C11orf58: variants seen among roughly 807,000 people sequenced by gnomAD.
C11orf58 encodes the protein chromosome 11 open reading frame 58.
A neutral mutation model predicts 22.7 loss-of-function variants in C11orf58; 5 were observed. That is an observed-to-expected ratio of 0.22 (90% CI 0.12 to 0.46). The LOEUF (loss-of-function observed/expected upper bound fraction) is 0.46, where lower values mean the gene tolerates loss of function less well. Ranked by LOEUF, C11orf58 falls within the 20% of genes least tolerant of loss-of-function variation. The pLI is 0.99. For missense variants in C11orf58, 151 were observed against 223.3 expected, an observed-to-expected ratio of 0.68 and a Z score of 2.06; for synonymous variants, 71 against 70.7, an observed-to-expected ratio of 1.00 and a Z score of -0.02.
intron 4 of C11orf58, among the ~76,000 whole-genome samples, chr11:16,754,546 CCTTTTTTTTTTTTTTTTTTT>C (rs1848559305): frequency 1.1e-5 from 1 of 89,380 alleles, no homozygotes; most frequent in Non-Finnish European, 2.5e-5. Context: ...TCTCTCTCTC[CCTTTTTTTTTTTTTTTTTTT>C]TTTTTTTTTT....
In C11orf58 at chr11:16,755,440, CTT is replaced by C. The variant is rs1848569401; in HGVS notation, c.*337_*338del. On this transcript the variant is annotated 3_prime_UTR_variant, in exon 5 of 5. Coordinates refer to ENST00000228136, the MANE Select transcript of C11orf58 (RefSeq NM_014267.6). ...TTTATCATTTCCTTCATATTTTTCT[CTT>C]ATAAAAATGTATTTGATACTGTGAT... 1.1e-5 allele frequency: 2 copies of C among 175,296 alleles called. No individual in the cohort carries two copies. Among genetic ancestry groups the C allele is most frequent in the Non-Finnish European group, 2.4e-5 (2 of 82,378 alleles). 10.9% of individuals were successfully genotyped at this position (175,296 alleles called of 1,614,324 possible). A position where few individuals can be genotyped will look rare whatever the true frequency, so the allele number is the denominator to read the frequency against.
chr11:16,750,729 G>C (rs1292863666), intron 3 of C11orf58: 2 of 154,140 alleles, frequency 1.3e-5, no homozygotes, highest in African/African-American at 4.8e-5. Context: ...GTGCACTTTT[G>C]CTTTCAACCA....
intron 1 of C11orf58, chr11:16,744,173 C>T (rs767281569): frequency 6.5e-6 from 1 of 153,946 alleles, no homozygotes; most frequent in Admixed American, 6.5e-5. Flanking sequence ...GTTCAGAGTA[C>T]TAGGTGCTCT....
At chr11:16,746,185 G>T (rs892325854) in intron 2 of C11orf58, among the ~76,000 whole-genome samples, 2 of 152,244 alleles carry the variant, frequency 1.3e-5, no homozygotes, top group Admixed American at 1.3e-4. Context: ...GGATGAGAAG[G>T]AGTTAGCCAG....
intron 1 of C11orf58, chr11:16,744,384 C>G: frequency 2.0e-6 from 1 of 494,364 alleles, no homozygotes; most frequent in South Asian, 2.5e-5. Flanking sequence ...AGACTCAGCT[C>G]TGGCTGTAGG....
chr11:16,749,256 T>A (rs1305573406), intron 3 of C11orf58: 1 of 152,216 alleles, frequency 6.6e-6, no homozygotes, highest in Non-Finnish European at 1.5e-5. Context: ...CTAGATTATG[T>A]TTAACAAAAC....
At chr11:16,742,587 C>A (rs1011037706) in intron 1 of C11orf58, among the ~76,000 whole-genome samples, 1 of 151,976 alleles carries the variant, frequency 6.6e-6, no homozygotes, top group Admixed American at 6.6e-5. Context: ...GCATATAAGC[C>A]CTTCCACTAA....
Position 16,752,758 on chromosome 11 carries a change from CAT to C in C11orf58, c.209-25_209-24del, listed in dbSNP as rs757355781. Reference sequence around the variant, plus strand: ...GTGTAAATTATTAATTTGACTGAAACATAACTAAAGTATCCTGGACATGCAGG... The same window carrying C: ...GTGTAAATTATTAATTTGACTGAAACAACTAAAGTATCCTGGACATGCAGG... On this transcript the variant is annotated intron_variant, in intron 3 of 4. Coordinates refer to ENST00000228136, the MANE Select transcript of C11orf58 (RefSeq NM_014267.6). The C allele has an allele frequency of 1.1e-5, 16 of 1,491,322 alleles. No homozygotes were observed. The African/African-American group carries it at 2.0e-4, about 18-fold the overall frequency. 92.4% of individuals were successfully genotyped at this position (1,491,322 alleles called of 1,614,324 possible). A position where few individuals can be genotyped will look rare whatever the true frequency, so the allele number is the denominator to read the frequency against.
chr11:16,752,071 C>T (rs571378213), intron 3 of C11orf58: 2 of 152,904 alleles, frequency 1.3e-5, no homozygotes, highest in Non-Finnish European at 2.9e-5. Flanking sequence ...GTAGACTGGA[C>T]ATAAGCAACA....
chr11:16,752,988 T>C (rs1848545733), intron 4 of C11orf58, 94 bp downstream of exon 4: 3 of 895,658 alleles, frequency 3.3e-6, no homozygotes, highest in African/African-American at 1.7e-5. Flanking sequence ...AAGAATCCCA[T>C]GTAGAAAGCT....
At position 16,744,484 on chromosome 11, in the gene C11orf58, C is replaced by T. The variant is rs562527618; in HGVS notation, c.64-117C>T. ...TAACTTCCTAAGCAAGAAAAATGAACGCTGTTTATAGTTACAACTGACAGG... is the reference window on the plus strand; with the variant it reads ...TAACTTCCTAAGCAAGAAAAATGAATGCTGTTTATAGTTACAACTGACAGG... On this transcript the variant is annotated intron_variant, in intron 1 of 4. Transcript: ENST00000228136. 22 of 716,638 alleles carry T rather than the reference C, an allele frequency of 3.1e-5. No homozygotes were observed. In the South Asian group the frequency reaches 3.8e-4, roughly 13 times the overall value. The allele number at this position is 716,638 out of a possible 1,614,324, so 44.4% of individuals were successfully genotyped here.
In C11orf58 at chr11:16,756,264, T is replaced by A. The variant is rs1017890997; in HGVS notation, c.*1160T>A. On this transcript the variant is annotated 3_prime_UTR_variant, in exon 5 of 5. Transcript: ENST00000228136. ...TAAAGGATGTATTTGGAGTGTTGGA[T>A]TTTTTTTTTTTTTTTTTTTTTTTGA... 1.8e-5 allele frequency: 1 copy of A among 56,026 alleles called. No homozygotes were observed. Among genetic ancestry groups the A allele is most frequent in the South Asian group, 4.1e-4 (1 of 2,448 alleles). 3.5% of individuals were successfully genotyped at this position (56,026 alleles called of 1,614,324 possible). A position where few individuals can be genotyped will look rare whatever the true frequency, so the allele number is the denominator to read the frequency against.
chr11:16,757,118 A>G lies in C11orf58; in HGVS notation c.*2014A>G, dbSNP rs1848585947. ...AATATTGAATCACTTTATAGTAGACAATACATATGACATTTAACAAATACT... is the reference window on the plus strand; with the variant it reads ...AATATTGAATCACTTTATAGTAGACGATACATATGACATTTAACAAATACT... On this transcript the variant is annotated 3_prime_UTR_variant, in exon 5 of 5. Transcript: ENST00000228136. Among the ~76,000 whole-genome samples, 2 of 144,730 alleles carry G rather than the reference A, an allele frequency of 1.4e-5. No homozygotes were observed. Among genetic ancestry groups the G allele is most frequent in the South Asian group, 4.4e-4 (2 of 4,516 alleles). The allele number at this position is 144,730 out of a possible 152,430, so 94.9% of individuals were successfully genotyped here. A position where few individuals can be genotyped will look rare whatever the true frequency, so the allele number is the denominator to read the frequency against.
chr11:16,748,201 A>G, intron 3 of C11orf58, 44 bp downstream of exon 3: 1 of 1,444,330 alleles, frequency 6.9e-7, no homozygotes, highest in Non-Finnish European at 9.7e-7. Context: ...CTAAATTCAG[A>G]ATATGAAGTA....
At chr11:16,744,364 C>T (rs1848472636) in intron 1 of C11orf58, 1 of 455,878 alleles carries the variant, frequency 2.2e-6, no homozygotes, top group Non-Finnish European at 3.9e-6. Flanking sequence ...CTGATAGAGG[C>T]AAACTTTTGA....
At chr11:16,743,263 C>G (rs910912835) in intron 1 of C11orf58, among the ~76,000 whole-genome samples, 2 of 152,174 alleles carry the variant, frequency 1.3e-5, no homozygotes, top group Non-Finnish European at 2.9e-5. Flanking sequence ...AATTTTGATG[C>G]ATAAACATTG....
chr11:16,740,667 C>G (rs894913216), intron 1 of C11orf58, among the ~76,000 whole-genome samples: 2 of 151,990 alleles, frequency 1.3e-5, no homozygotes, highest in Non-Finnish European at 2.9e-5. Context: ...AGCGATCTGC[C>G]CACCTCGGCC....
intron 4 of C11orf58, among the ~76,000 whole-genome samples, chr11:16,754,483 A>T (rs1005009986): frequency 8.3e-6 from 1 of 120,432 alleles, no homozygotes; most frequent in Non-Finnish European, 1.7e-5. Flanking sequence ...GGCATGCACC[A>T]CCATGCCTGG....
intron 1 of C11orf58, among the ~76,000 whole-genome samples, chr11:16,742,657 C>T (rs1327175830): frequency 6.6e-6 from 1 of 151,758 alleles, no homozygotes; most frequent in African/African-American, 2.4e-5. Flanking sequence ...TCTCATATGC[C>T]CAGGGGAAAT....
Sources: gnomAD v4.1 joint callset for allele counts (sites outside exome capture counted in the v4.1 genomes callset) on GRCh38, gnomAD v4.1.1 for gene constraint, MANE v1.5 for transcripts, NCBI Gene and HGNC (gene_info 2026-07-23, HGNC 2026-07-21) for gene names.